Variants in TLK1 observed in about 807,000 individuals in gnomAD.
TLK1 encodes the protein serine/threonine-protein kinase tousled-like 1.
Under a neutral mutation model 105.3 loss-of-function variants are expected in TLK1, and 24 were observed. The ratio of observed to expected loss-of-function variants is 0.23; its 90% CI spans 0.17 to 0.32. The LOEUF (loss-of-function observed/expected upper bound fraction) is 0.32, where lower values mean the gene tolerates loss of function less well. Ranked by LOEUF, TLK1 falls within the 10% of genes least tolerant of loss-of-function variation. TLK1 has a pLI of 1.00. For missense variants in TLK1, 558 were observed against 910.5 expected (o/e 0.61, Z 4.98); for synonymous variants, 321 against 310.4 (o/e 1.03, Z -0.36).
chr2:171,072,893 C>T (rs1426654525), intron 3 of TLK1, among the ~76,000 whole-genome samples: 2 of 144,466 alleles, frequency 1.4e-5, no homozygotes, highest in African/African-American at 5.1e-5. Flanking sequence ...TGTGCCAGTG[C>T]ACTCCAGCCT....
intron 1 of TLK1, among the ~76,000 whole-genome samples, chr2:171,218,739 G>A (rs1194046407): frequency 6.6e-6 from 1 of 152,106 alleles, no homozygotes; most frequent in Non-Finnish European, 1.5e-5. Flanking sequence ...CAAAAAGGGG[G>A]CAAATACTGT....
intron 1 of TLK1, among the ~76,000 whole-genome samples, chr2:171,140,358 G>A (rs548885206): frequency 2.0e-5 from 3 of 152,340 alleles, no homozygotes; most frequent in African/African-American, 7.2e-5. Context: ...AGATCAGGCA[G>A]TAAAGAAATG....
chr2:171,199,765 C>G lies in TLK1; in HGVS notation c.-6+31380G>C, dbSNP rs1372973539. ...GAAATAGAATCTGAAAATTTCAGAGCCTAATTTACTGAAAGGTTTCTGCAA... is the reference window on the plus strand; with the variant it reads ...GAAATAGAATCTGAAAATTTCAGAGGCTAATTTACTGAAAGGTTTCTGCAA... On this transcript the variant is annotated intron_variant, in intron 1 of 20. Transcript: ENST00000521943. 2.6e-5 allele frequency among the ~76,000 whole-genome samples: 4 copies of G among 152,108 alleles called. No homozygotes were observed. In the East Asian group the frequency reaches 7.7e-4, roughly 29 times the overall value.
chr2:171,197,232 A>G (rs917421883), intron 1 of TLK1, among the ~76,000 whole-genome samples: 2 of 152,216 alleles, frequency 1.3e-5, no homozygotes, highest in African/African-American at 4.8e-5. Context: ...TCATACATTA[A>G]ATTTTCTTAT....
intron 11 of TLK1, among the ~76,000 whole-genome samples, chr2:171,034,872 TAGTATA>T (rs905108588): frequency 2.1e-4 from 32 of 152,232 alleles, no homozygotes; most frequent in South Asian, 6.2e-4. Context: ...TACTTATACT[TAGTATA>T]AGTATAATGG....
At chr2:171,072,381 A>AG (rs1197451063) in intron 3 of TLK1, among the ~76,000 whole-genome samples, 4 of 152,304 alleles carry the variant, frequency 2.6e-5, no homozygotes, top group East Asian at 3.9e-4. Context: ...TGAGAGGCCA[A>AG]GGGGGGCGGA....
intron 11 of TLK1, among the ~76,000 whole-genome samples, chr2:171,040,154 C>G (rs1488966979): frequency 6.6e-6 from 1 of 151,976 alleles, no homozygotes; most frequent in Non-Finnish European, 1.5e-5. Context: ...AAGGGGGAGA[C>G]TAGGTAGGAT....
At chr2:171,127,364 C>T (rs1161736717) in intron 1 of TLK1, among the ~76,000 whole-genome samples, 1 of 151,778 alleles carries the variant, frequency 6.6e-6, no homozygotes, top group East Asian at 1.9e-4. Flanking sequence ...TTGAAACATC[C>T]ATTTTAACAT....
At chr2:171,145,951 G>A (rs1558967113) in intron 1 of TLK1, among the ~76,000 whole-genome samples, 1 of 151,682 alleles carries the variant, frequency 6.6e-6, no homozygotes, top group African/African-American at 2.4e-5. Flanking sequence ...TGAAGTGCTG[G>A]CAATATTCTA....
intron 2 of TLK1, among the ~76,000 whole-genome samples, chr2:171,100,004 TG>T (rs1335511145): frequency 6.6e-6 from 1 of 152,178 alleles, no homozygotes; most frequent in African/African-American, 2.4e-5. Context: ...CTGTAAATCG[TG>T]TATCTGATAA....
intron 1 of TLK1, among the ~76,000 whole-genome samples, chr2:171,133,434 T>C (rs977294199): frequency 1.3e-5 from 2 of 152,060 alleles, no homozygotes; most frequent in Non-Finnish European, 1.5e-5. Context: ...CTGTCTCTAC[T>C]AAAAATACAA....
chr2:171,035,316 T>C (rs1375252086), intron 11 of TLK1, among the ~76,000 whole-genome samples: 1 of 148,622 alleles, frequency 6.7e-6, no homozygotes, highest in East Asian at 2.0e-4. Flanking sequence ...TACTCCAGCC[T>C]GGGCACAAGA....
chr2:171,052,994 C>T (rs796161791), intron 8 of TLK1, among the ~76,000 whole-genome samples: 10 of 152,316 alleles, frequency 6.6e-5, no homozygotes, highest in African/African-American at 2.2e-4. Flanking sequence ...TTAGTACTTT[C>T]ACCCTTCCCA....
intron 14 of TLK1, among the ~76,000 whole-genome samples, chr2:171,009,912 G>A (rs955699775): frequency 6.6e-6 from 1 of 152,214 alleles, no homozygotes; most frequent in Non-Finnish European, 1.5e-5. Context: ...AGAAGATGCA[G>A]AGGGTCAGGG....
chr2:170,994,990 TCTTTG>T (rs1683985248), intron 20 of TLK1, among the ~76,000 whole-genome samples: 1 of 152,222 alleles, frequency 6.6e-6, no homozygotes, highest in South Asian at 2.1e-4. Flanking sequence ...TTTTGCACTT[TCTTTG>T]CTTTGAAATT....
chr2:171,022,887 T>C (rs1251806405), intron 12 of TLK1: 2 of 312,082 alleles, frequency 6.4e-6, no homozygotes, highest in African/African-American at 4.4e-5. Context: ...GCCAACGCCC[T>C]GCATTCTCCA....
At chr2:171,162,431 G>C (rs1692527924), upstream of TLK1, among the ~76,000 whole-genome samples, 4 of 152,118 alleles carry the variant, frequency 2.6e-5, no homozygotes, top group South Asian at 8.3e-4. Context: ...CCAGCTACTC[G>C]GGAGGCTGAG....
At chr2:171,079,612 T>C (rs888579864) in intron 3 of TLK1, among the ~76,000 whole-genome samples, 7 of 152,220 alleles carry the variant, frequency 4.6e-5, no homozygotes, top group Admixed American at 4.6e-4. Context: ...CAATACCTTC[T>C]TACCTACCAT....
intron 1 of TLK1, among the ~76,000 whole-genome samples, chr2:171,133,526 G>C (rs1435909222): frequency 6.6e-6 from 1 of 152,156 alleles, no homozygotes; most frequent in Non-Finnish European, 1.5e-5. Flanking sequence ...CTGAATCCAG[G>C]AGGCAGAGGT....
Sources: gnomAD v4.1 joint callset for allele counts (sites outside exome capture counted in the v4.1 genomes callset) on GRCh38, gnomAD v4.1.1 for gene constraint, MANE v1.5 for transcripts, NCBI Gene and HGNC (gene_info 2026-07-23, HGNC 2026-07-21) for gene names.